TAFA4: variants seen among roughly 807,000 people sequenced by gnomAD.
The protein encoded by TAFA4 is TAFA chemokine like family member 4, also known as chemokine-like protein TAFA-4.
A neutral mutation model predicts 21.1 loss-of-function variants in TAFA4; 20 were observed. The observed-to-expected ratio is 0.95, with a 90% CI of 0.67 to 1.38. TAFA4 has a LOEUF of 1.38. Among genes scored for constraint, TAFA4 ranks in the 40% most tolerant of loss-of-function variants. The probability of loss-of-function intolerance (pLI) is 0.00; values close to 1 mark genes in which losing one functional copy is unlikely to be tolerated. For synonymous variants in TAFA4, 71 were observed against 67.4 expected (o/e 1.05, Z -0.26); for missense variants, 211 against 180.9 (o/e 1.17, Z -0.95).
chr3:68,810,633 C>A (rs1703814179), intron 3 of TAFA4, among the ~76,000 whole-genome samples: 1 of 152,174 alleles, frequency 6.6e-6, no homozygotes, highest in African/African-American at 2.4e-5. Flanking sequence ...GGAGGGGCGC[C>A]CACCATTGCC....
chr3:68,760,203 A>G (rs1359282794), intron 3 of TAFA4, among the ~76,000 whole-genome samples: 7 of 152,184 alleles, frequency 4.6e-5, no homozygotes, highest in Non-Finnish European at 1.0e-4. Flanking sequence ...TTGCTTCAGG[A>G]CTGCTATAGA....
intron 3 of TAFA4, among the ~76,000 whole-genome samples, chr3:68,827,816 T>C (rs1704287780): frequency 6.6e-6 from 1 of 152,232 alleles, no homozygotes; most frequent in African/African-American, 2.4e-5. Flanking sequence ...AAAAATGTTC[T>C]CCCATTCTGT....
intron 3 of TAFA4, among the ~76,000 whole-genome samples, chr3:68,852,777 A>T (rs1306699906): frequency 6.6e-6 from 1 of 152,192 alleles, no homozygotes; most frequent in Non-Finnish European, 1.5e-5. Context: ...TGTCACCCTT[A>T]TCTTAGCATT....
intron 5 of TAFA4, among the ~76,000 whole-genome samples, chr3:68,735,568 G>A (rs905890464): frequency 4.6e-5 from 7 of 151,968 alleles, no homozygotes; most frequent in Admixed American, 1.3e-4. Context: ...TTTTTTACAC[G>A]TTCCCATGAT....
chr3:68,807,924 TC>T (rs1703738990), intron 3 of TAFA4, among the ~76,000 whole-genome samples: 1 of 152,214 alleles, frequency 6.6e-6, no homozygotes, highest in South Asian at 2.1e-4. Flanking sequence ...TGCCAGAGCA[TC>T]TACATATTGA....
intron 3 of TAFA4, among the ~76,000 whole-genome samples, chr3:68,865,462 C>T (rs889389276): frequency 2.6e-4 from 39 of 151,912 alleles, no homozygotes; most frequent in Admixed American, 2.4e-3. Context: ...GTAAGTCTCA[C>T]GAGATCTGAT....
At chr3:68,819,360 C>T (rs1264240744) in intron 3 of TAFA4, among the ~76,000 whole-genome samples, 1 of 149,094 alleles carries the variant, frequency 6.7e-6, no homozygotes, top group Non-Finnish European at 1.5e-5. Context: ...GTTTCTTTGT[C>T]TTGTCTAACT....
intron 3 of TAFA4, among the ~76,000 whole-genome samples, chr3:68,824,378 G>T (rs182747886): frequency 6.6e-6 from 1 of 152,268 alleles, no homozygotes; most frequent in Non-Finnish European, 1.5e-5. Flanking sequence ...GAAACAGGCT[G>T]CCCATGTTGC....
intron 3 of TAFA4, among the ~76,000 whole-genome samples, chr3:68,802,410 T>G (rs73835355): frequency 6.6e-6 from 1 of 151,910 alleles, no homozygotes; most frequent in African/African-American, 2.4e-5. Flanking sequence ...AGGTAGCATG[T>G]TGATTTCTTT....
chr3:68,920,508 T>G (rs1368557606), intron 1 of TAFA4, among the ~76,000 whole-genome samples: 4 of 152,192 alleles, frequency 2.6e-5, no homozygotes, highest in African/African-American at 7.2e-5. Context: ...CATGTTTGGA[T>G]TTCTTTGAAA....
rs1019737696 is a variant in TAFA4 at position 68,917,732 on chromosome 3, C to T, written c.-123+14508G>A. On this transcript the variant is annotated intron_variant, in intron 1 of 5. Transcript: ENST00000295569. ...TCGCGCCACTGCACTCCAGCCTGGA[C>T]GACAGAGCGAGACTCTGTCTCAAAA... Among the ~76,000 whole-genome samples the T allele has an allele frequency of 6.2e-5, 8 of 130,048 alleles. No individual in the cohort carries two copies. In the South Asian group the frequency reaches 7.2e-4, roughly 12 times the overall value. 85.3% of individuals were successfully genotyped at this position (130,048 alleles called of 152,430 possible).
At chr3:68,748,663 G>A (rs1349259605) in intron 4 of TAFA4, among the ~76,000 whole-genome samples, 1 of 151,278 alleles carries the variant, frequency 6.6e-6, no homozygotes, top group East Asian at 2.0e-4. Context: ...AGAAACACTT[G>A]AACCCGGGAG....
chr3:68,802,918 T>G (rs1464570592), intron 3 of TAFA4, among the ~76,000 whole-genome samples: 1 of 152,230 alleles, frequency 6.6e-6, no homozygotes, highest in Non-Finnish European at 1.5e-5. Flanking sequence ...GAGCTTTGAT[T>G]GCTTTCTTCT....
chr3:68,766,579 CAAAGAT>C (rs1203468937), intron 3 of TAFA4, among the ~76,000 whole-genome samples: 1 of 149,202 alleles, frequency 6.7e-6, no homozygotes, highest in Non-Finnish European at 1.5e-5. Context: ...ATTCCAAAAG[CAAAGAT>C]AAAGAGATGA....
At chr3:68,890,058 G>GA (rs2089715553) in intron 1 of TAFA4, among the ~76,000 whole-genome samples, 1 of 152,088 alleles carries the variant, frequency 6.6e-6, no homozygotes, top group African/African-American at 2.4e-5. Context: ...AGTTAAGAAA[G>GA]AAAATGCACT....
rs972441358 is a variant in TAFA4, at chr3:68,892,564, C to T, written c.-122-7254G>A. On this transcript the variant is annotated intron_variant, in intron 1 of 5. Transcript: ENST00000295569. The stretch of plus-strand genomic sequence containing the variant: ...TACATGTAACAAAACTGTACATATG[C>T]CCATAAATATGTACAAAGAAAGAAA... Among the ~76,000 whole-genome samples the T allele has an allele frequency of 3.9e-5, 6 of 152,060 alleles. 1 individual carries two copies. Among genetic ancestry groups the T allele is most frequent in the Admixed American group, 2.6e-4 (4 of 15,286 alleles).
intron 5 of TAFA4, among the ~76,000 whole-genome samples, chr3:68,735,175 A>G (rs1559752825): frequency 7.5e-6 from 1 of 133,706 alleles, no homozygotes; most frequent in Non-Finnish European, 1.6e-5. Context: ...ACATTAAAAG[A>G]CAAGTGGAAT....
intron 3 of TAFA4, among the ~76,000 whole-genome samples, chr3:68,760,108 G>T (rs1702733432): frequency 6.6e-6 from 1 of 152,130 alleles, no homozygotes; most frequent in African/African-American, 2.4e-5. Flanking sequence ...GCTGTAACAT[G>T]TGAGATGCCT....
intron 3 of TAFA4, among the ~76,000 whole-genome samples, chr3:68,840,755 C>G (rs979703545): frequency 6.6e-6 from 1 of 152,064 alleles, no homozygotes; most frequent in Non-Finnish European, 1.5e-5. Context: ...GCAGTAAACT[C>G]TCTTCATGCA....
Sources: allele counts gnomAD v4.1 joint callset (sites outside exome capture counted in the v4.1 genomes callset), GRCh38; gene constraint gnomAD v4.1.1; transcripts MANE v1.5; gene names NCBI Gene and HGNC (gene_info 2026-07-23, HGNC 2026-07-21).